BTBD9: variants seen among roughly 807,000 people sequenced by gnomAD.
BTBD9 encodes BTB/POZ domain-containing protein 9.
Under a neutral mutation model 64.3 loss-of-function variants are expected in BTBD9, and 49 were observed. The ratio of observed to expected loss-of-function variants is 0.76; its 90% CI spans 0.61 to 0.97. The LOEUF (loss-of-function observed/expected upper bound fraction) is 0.97, where lower values mean the gene tolerates loss of function less well. BTBD9 is among the 50% of genes least tolerant of loss of function. BTBD9 has a pLI of 0.00. For missense variants in BTBD9, 598 were observed against 762.1 expected (o/e 0.78, Z 2.53); for synonymous variants, 260 against 274.7 (o/e 0.95, Z 0.53).
At chr6:38,285,142 T>A (rs530422250) in intron 8 of BTBD9, among the ~76,000 whole-genome samples, 1 of 152,154 alleles carries the variant, frequency 6.6e-6, no homozygotes, top group South Asian at 2.1e-4. Flanking sequence ...CCATATCAGA[T>A]GTGTGGGAGG....
rs140413552 is a variant in BTBD9, at chr6:38,428,857, C to T, written c.1155-83764G>A. Among the ~76,000 whole-genome samples, 655 of 151,318 alleles carry T rather than the reference C, an allele frequency of 4.3e-3. 14 individuals carry two copies. Among genetic ancestry groups the T allele is most frequent in the African/African-American group, 0.014 (583 of 40,964 alleles). ...CCTCCCGAGTAGCTGGGACTACAGG[C>T]GCCCACCACGCCCGGCTAATTTTTT... On this transcript the variant is annotated intron_variant, in intron 6 of 10. Transcript: ENST00000481247.
At position 38,496,688 on chromosome 6, in the gene BTBD9, A is replaced by G. The variant is rs116321381; in HGVS notation, c.1154+80912T>C. Among the ~76,000 whole-genome samples the G allele has an allele frequency of 8.5e-4, 129 of 151,936 alleles. 1 individual carries two copies. The highest frequency in any genetic ancestry group is 3.1e-3 in the African/African-American group (127 of 41,446). ...AAAAAAAAAAGAGAGAGAGAGATGG[A>G]AATCAGCTTCAGGAAAATGAGAGGG... On this transcript the variant is annotated intron_variant, in intron 6 of 10. Transcript: ENST00000481247.
chr6:38,573,786 G>A (rs1322454691), intron 6 of BTBD9, among the ~76,000 whole-genome samples: 1 of 152,068 alleles, frequency 6.6e-6, no homozygotes, highest in Non-Finnish European at 1.5e-5. Flanking sequence ...TTGAGGAATA[G>A]CTCAAAATTT....
chr6:38,344,034 A>G (rs968028407), intron 7 of BTBD9, among the ~76,000 whole-genome samples: 2 of 152,194 alleles, frequency 1.3e-5, no homozygotes, highest in African/African-American at 4.8e-5. Context: ...TCCCTTTGTA[A>G]AGGTACAGAA....
chr6:38,537,538 A>C (rs1342007784), intron 6 of BTBD9, among the ~76,000 whole-genome samples: 1 of 152,212 alleles, frequency 6.6e-6, no homozygotes, highest in Non-Finnish European at 1.5e-5. Flanking sequence ...ATTTTAACAC[A>C]AGGGCAAGCA....
chr6:38,521,150 T>C (rs925975529), intron 6 of BTBD9, among the ~76,000 whole-genome samples: 1 of 151,754 alleles, frequency 6.6e-6, no homozygotes, highest in Non-Finnish European at 1.5e-5. Context: ...AAAAAAGATA[T>C]GACCTGTAAA....
intron 7 of BTBD9, among the ~76,000 whole-genome samples, chr6:38,290,524 T>C (rs1301246138): frequency 6.6e-6 from 1 of 152,108 alleles, no homozygotes; most frequent in Non-Finnish European, 1.5e-5. Flanking sequence ...TGGCTTAACA[T>C]AGCACACATT....
At chr6:38,559,303 A>G (rs1775165095) in intron 6 of BTBD9, among the ~76,000 whole-genome samples, 1 of 152,168 alleles carries the variant, frequency 6.6e-6, no homozygotes. Context: ...CCAAATCAAG[A>G]ATGCAATCCC....
intron 9 of BTBD9, among the ~76,000 whole-genome samples, chr6:38,225,854 C>A (rs1763377025): frequency 1.3e-5 from 2 of 152,174 alleles, no homozygotes; most frequent in Non-Finnish European, 2.9e-5. Context: ...TAGAGTTTTA[C>A]CACTTACAGA....
chr6:38,458,748 G>T (rs751348796), intron 6 of BTBD9, among the ~76,000 whole-genome samples: 1 of 152,128 alleles, frequency 6.6e-6, no homozygotes, highest in Non-Finnish European at 1.5e-5. Flanking sequence ...AGGTCATCTG[G>T]ATTATTTGAA....
At chr6:38,430,955 TTC>T (rs760037988) in intron 6 of BTBD9, among the ~76,000 whole-genome samples, 20 of 152,096 alleles carry the variant, frequency 1.3e-4, no homozygotes, top group Non-Finnish European at 2.1e-4. Flanking sequence ...TTTTAATGCT[TTC>T]TATACTTTGC....
intron 1 of BTBD9, among the ~76,000 whole-genome samples, chr6:38,631,085 T>C (rs1778343969): frequency 6.6e-6 from 1 of 152,212 alleles, no homozygotes; most frequent in Admixed American, 6.5e-5. Context: ...AGAATAAATG[T>C]ATAGAATAGA....
intron 4 of BTBD9, among the ~76,000 whole-genome samples, chr6:38,586,801 G>A (rs1386616932): frequency 6.6e-6 from 1 of 151,912 alleles, no homozygotes; most frequent in Admixed American, 6.6e-5. Flanking sequence ...GGTGGCTCAT[G>A]CCTGTAATCC....
chr6:38,494,644 TTC>T (rs1414800152), intron 6 of BTBD9, among the ~76,000 whole-genome samples: 1 of 152,240 alleles, frequency 6.6e-6, no homozygotes, highest in Non-Finnish European at 1.5e-5. Flanking sequence ...ATGTGAACAT[TTC>T]TGTTTTTAAA....
chr6:38,490,326 T>C (rs1259704019), intron 6 of BTBD9, among the ~76,000 whole-genome samples: 1 of 152,146 alleles, frequency 6.6e-6, no homozygotes, highest in Non-Finnish European at 1.5e-5. Context: ...TCCATTTCTT[T>C]TTTCTTTTTT....
intron 1 of BTBD9, 41 bp from the exon 2 acceptor site, chr6:38,598,162 G>A (rs879007264): frequency 1.4e-6 from 2 of 1,453,160 alleles, no homozygotes; most frequent in African/African-American, 2.8e-5. Flanking sequence ...TGGGGGAGGG[G>A]AGTACACATA....
intron 6 of BTBD9, among the ~76,000 whole-genome samples, chr6:38,393,965 A>G (rs1463742641): frequency 6.6e-6 from 1 of 152,180 alleles, no homozygotes; most frequent in Non-Finnish European, 1.5e-5. Context: ...CGAAAAGATG[A>G]GGGCACAGTT....
chr6:38,403,857 T>G (rs890615450), intron 6 of BTBD9, among the ~76,000 whole-genome samples: 1 of 152,146 alleles, frequency 6.6e-6, no homozygotes, highest in African/African-American at 2.4e-5. Context: ...AATGGATAAG[T>G]AAAATACTGT....
intron 9 of BTBD9, among the ~76,000 whole-genome samples, chr6:38,202,360 C>T (rs866137932): frequency 4.6e-5 from 7 of 151,598 alleles, no homozygotes; most frequent in Middle Eastern, 6.8e-3. Flanking sequence ...GGATTACACA[C>T]GTGAGCCACT....
Sources: gnomAD v4.1 joint callset for allele counts (sites outside exome capture counted in the v4.1 genomes callset) on GRCh38, gnomAD v4.1.1 for gene constraint, MANE v1.5 for transcripts, NCBI Gene and HGNC (gene_info 2026-07-23, HGNC 2026-07-21) for gene names.